The following GET4 variants were observed in gnomAD, a reference collection of about 807,000 sequenced individuals.
The protein encoded by GET4 is Golgi to ER traffic protein 4 homolog.
In GET4, 20 loss-of-function variants were observed where a neutral mutation model predicts 40.0. That is an observed-to-expected ratio of 0.50 (90% confidence interval 0.35 to 0.73). GET4 has a LOEUF of 0.73. Ranked by LOEUF, GET4 falls within the 30% of genes least tolerant of loss-of-function variation. The pLI, the probability that GET4 is intolerant of heterozygous loss-of-function variation, is 0.01. For synonymous variants in GET4, 280 were observed against 194.6 expected (o/e 1.44, Z -3.65); for missense variants, 557 against 454.0 (o/e 1.23, Z -2.06).
rs138431745 is a variant in GET4 at position 894,360 on chromosome 7, G to A, written c.895+389G>A. On this transcript the variant is annotated intron_variant, in intron 8 of 8. Transcript: ENST00000265857. ...AGTGCTGCCGTGGCTTTGGGGTCGC[G>A]GCGGGGCGGGTGTCTCACTGTGGGT... 2.2e-3 allele frequency among the ~76,000 whole-genome samples: 340 copies of A among 152,274 alleles called. 4 individuals are homozygous for A. Among genetic ancestry groups the A allele is most frequent in the African/African-American group, 7.3e-3 (302 of 41,560 alleles).
In GET4 at chr7:886,050, TG is replaced by T; in HGVS notation, c.156-4del. ...GGCGTGGCTCACGGTCTCCTCTCTG[TG>T]GCAGGTACATGTCCCAGAGCAAGCA... is the stretch of plus-strand genomic sequence containing the variant. On this transcript the variant is annotated splice_region_variant and splice_polypyrimidine_tract_variant and intron_variant, in intron 1 of 8. Transcript: ENST00000265857. 1 of 1,578,092 alleles carries T rather than the reference TG, an allele frequency of 6.3e-7. No homozygotes were observed. The highest frequency in any genetic ancestry group is 8.7e-7 in the Non-Finnish European group (1 of 1,148,840).
intron 5 of GET4, among the ~76,000 whole-genome samples, chr7:891,815 C>T (rs191609786): frequency 1.8e-3 from 279 of 152,372 alleles, no homozygotes; most frequent in Middle Eastern, 3.4e-3. Context: ...TGGCTCTGCG[C>T]TACGCCGTGT....
intron 4 of GET4, among the ~76,000 whole-genome samples, chr7:889,033 G>A (rs1844253493): frequency 1.3e-5 from 2 of 152,262 alleles, no homozygotes; most frequent in South Asian, 2.1e-4. Flanking sequence ...CAGTACTCAG[G>A]AGACCTGCAT....
In GET4 at chr7:890,939, T is replaced by C; in HGVS notation, c.478T>C (p.Cys160Arg). Residue 160 changes from cysteine to arginine, a missense_variant, in exon 5 of 9, where the codon TGT becomes CGT. Physicochemically the swap from Cys to Arg is radical, Grantham distance 180. Transcript: ENST00000265857. The stretch of plus-strand genomic sequence containing the variant: ...TCTTTCCTTTGCAGAACAAAACTAT[T>C]GTGAGTCGAGGTATCATTTTCTGCA... Reference protein sequence around the residue: ...ALTLWKEQNYCESRYHFLHSA... With the variant: ...ALTLWKEQNYRESRYHFLHSA... 8.7e-6 allele frequency: 14 copies of C among 1,606,174 alleles called. No homozygotes were observed. Among genetic ancestry groups the C allele is most frequent in the Non-Finnish European group, 1.2e-5 (14 of 1,173,018 alleles).
At chr7:895,298 G>C (rs898713370) in intron 8 of GET4, 36 bp from the exon 9 acceptor site, 1 of 1,073,152 alleles carries the variant, frequency 9.3e-7, no homozygotes. Flanking sequence ...GTGGGAGGCT[G>C]CCCAGGCGTG....
chr7:886,173 C>T (rs746048312), intron 2 of GET4, 39 bp downstream of exon 2: 15 of 1,360,628 alleles, frequency 1.1e-5, no homozygotes, highest in East Asian at 6.9e-5. Flanking sequence ...CTTTCTGCTC[C>T]GGGCAGGCAA....
intron 4 of GET4, among the ~76,000 whole-genome samples, chr7:888,917 A>G (rs1300699714): frequency 2.6e-5 from 4 of 152,226 alleles, no homozygotes; most frequent in African/African-American, 4.8e-5. Context: ...CGGATGAGTC[A>G]GGAACAAATG....
chr7:876,571 C>T lies in GET4; in HGVS notation c.-75C>T, dbSNP rs571354410. 36 of 1,128,894 alleles carry T rather than the reference C, an allele frequency of 3.2e-5. 1 individual carries two copies. In the South Asian group the frequency reaches 1.1e-3, roughly 34 times the overall value. The allele number at this position is 1,128,894 out of a possible 1,614,324, so 69.9% of individuals were successfully genotyped here. A position where few individuals can be genotyped will look rare whatever the true frequency, so the allele number is the denominator to read the frequency against. ...GCCACCGTAGAAGGGCGTCGGGCGG[C>T]CGTCGGGACGGAAGCCGGGAGGCGC... On this transcript the variant is annotated 5_prime_UTR_variant, in exon 1 of 9. Transcript: ENST00000265857.
At chr7:884,948 A>G (rs1405666629) in intron 1 of GET4, 1 of 151,812 alleles carries the variant, frequency 6.6e-6, no homozygotes, top group African/African-American at 2.4e-5. Flanking sequence ...TGCCCAGCTA[A>G]TTTCTGTGTT....
At chr7:878,142 A>G in intron 1 of GET4, 1 of 398,156 alleles carries the variant, frequency 2.5e-6, no homozygotes, top group Non-Finnish European at 5.3e-6. Flanking sequence ...TGACACCTGC[A>G]CGGCCGGTGT....
rs547494159 is a variant in GET4, at chr7:894,068, A to G, written c.895+97A>G. 1.8e-4 allele frequency: 120 copies of G among 673,236 alleles called. 1 individual carries two copies. The South Asian group carries it at 2.5e-3, about 14-fold the overall frequency. The allele number at this position is 673,236 out of a possible 1,614,324, so 41.7% of individuals were successfully genotyped here. Reference sequence around the variant, plus strand: ...AGGTCCAGTGCGGTCCTTCACGTGGAAGTGGTTTTCTGATCTTTTAAATGT... The same window carrying G: ...AGGTCCAGTGCGGTCCTTCACGTGGGAGTGGTTTTCTGATCTTTTAAATGT... On this transcript the variant is annotated intron_variant, in intron 8 of 8. Coordinates refer to ENST00000265857, the MANE Select transcript of GET4 (RefSeq NM_015949.3).
intron 5 of GET4, among the ~76,000 whole-genome samples, chr7:891,900 C>G (rs1328088270): frequency 2.0e-5 from 3 of 152,252 alleles, no homozygotes; most frequent in African/African-American, 7.2e-5. Flanking sequence ...CGAACAGAAG[C>G]CAGGGTCTGT....
At chr7:886,735 C>A in intron 3 of GET4, 85 bp downstream of exon 3, 1 of 909,240 alleles carries the variant, frequency 1.1e-6, no homozygotes, top group Non-Finnish European at 1.8e-6. Flanking sequence ...TGTTTCGTGT[C>A]TGCGTTTGGG....
At chr7:888,682 C>T (rs546436129) in intron 4 of GET4, among the ~76,000 whole-genome samples, 31 of 152,372 alleles carry the variant, frequency 2.0e-4, no homozygotes, top group African/African-American at 7.0e-4. Flanking sequence ...CTGGTGCCTC[C>T]GTGGCCCCTG....
chr7:890,911 C>A lies in GET4; in HGVS notation c.467-17C>A, dbSNP rs1250263716. 2 of 1,575,012 alleles carry A rather than the reference C, an allele frequency of 1.3e-6. No homozygotes were observed. The highest frequency in any genetic ancestry group is 1.7e-5 in the Admixed American group (1 of 59,842). ...ATTCGTGAAATGTATTTACATTTTTCTGTCTTTCCTTTGCAGAACAAAACT... is the reference window on the plus strand; with the variant it reads ...ATTCGTGAAATGTATTTACATTTTTATGTCTTTCCTTTGCAGAACAAAACT... On this transcript the variant is annotated splice_polypyrimidine_tract_variant and intron_variant, in intron 4 of 8. Transcript: ENST00000265857.
rs1051893889 is a variant in GET4, at chr7:876,641, G to T, written c.-5G>T. On this transcript the variant is annotated 5_prime_UTR_variant, in exon 1 of 9. Transcript: ENST00000265857. ...AGCGTCAGCCCTGCGCGGAGCGCCG[G>T]CCCGATGGCGGCGGCGGCGGCGATG... 1.0e-5 allele frequency: 13 copies of T among 1,260,252 alleles called. No individual in the cohort carries two copies. The highest frequency in any genetic ancestry group is 1.6e-5 in the African/African-American group (1 of 62,506). 78.1% of individuals were successfully genotyped at this position (1,260,252 alleles called of 1,614,324 possible).
In GET4 at chr7:893,854, C is replaced by T. The variant is rs374141149; in HGVS notation, c.822+39C>T. 7.1e-5 allele frequency: 114 copies of T among 1,602,018 alleles called. 1 individual carries two copies. The highest frequency in any genetic ancestry group is 1.3e-4 in the African/African-American group (10 of 74,784). On this transcript the variant is annotated intron_variant, in intron 7 of 8. Coordinates refer to ENST00000265857, the MANE Select transcript of GET4 (RefSeq NM_015949.3). Reference sequence around the variant, plus strand: ...GCTGGGGAGGGAGGAGGGGACCCCACGGTCTGGGTCCACCCCCTCTGAGCC... The same window carrying T: ...GCTGGGGAGGGAGGAGGGGACCCCATGGTCTGGGTCCACCCCCTCTGAGCC...
At chr7:884,911 A>T (rs1201120384) in intron 1 of GET4, 1 of 152,548 alleles carries the variant, frequency 6.6e-6, no homozygotes. Context: ...CCTCCCGAGT[A>T]GCTGGGACCA....
chr7:895,099 C>T (rs544154990), intron 8 of GET4, among the ~76,000 whole-genome samples: 8 of 149,296 alleles, frequency 5.4e-5, no homozygotes, highest in South Asian at 2.1e-4. Context: ...GTGGGAGGGC[C>T]GTTCTGTGGA....
Sources: allele counts gnomAD v4.1 joint callset (sites outside exome capture counted in the v4.1 genomes callset), GRCh38; gene constraint gnomAD v4.1.1; transcripts MANE v1.5; gene names NCBI Gene and HGNC (gene_info 2026-07-23, HGNC 2026-07-21).